The following CX3CR1 variants were observed in gnomAD, a reference collection of about 807,000 sequenced individuals.
The protein encoded by CX3CR1 is CX3C chemokine receptor 1.
For synonymous variants in CX3CR1, 168 were observed against 178.5 expected (o/e 0.94, Z 0.47); for missense variants, 363 against 432.4 (o/e 0.84, Z 1.42).
At chr3:39,279,580 A>C (rs2125556838) in intron 1 of CX3CR1, among the ~76,000 whole-genome samples, 1 of 152,320 alleles carries the variant, frequency 6.6e-6, no homozygotes, top group Non-Finnish European at 1.5e-5. Context: ...GCATCTCTAA[A>C]AGTTAAGGAC....
upstream of CX3CR1, among the ~76,000 whole-genome samples, chr3:39,284,832 G>A (rs919218949): frequency 2.6e-5 from 4 of 152,186 alleles, no homozygotes; most frequent in Non-Finnish European, 5.9e-5. Context: ...AACAGCAAGA[G>A]GGGAGCCAAA....
chr3:39,272,623 G>A (rs1261221400), intron 1 of CX3CR1, among the ~76,000 whole-genome samples: 1 of 152,094 alleles, frequency 6.6e-6, no homozygotes, highest in Non-Finnish European at 1.5e-5. Context: ...TCTAAATCCA[G>A]TGTATCTTCT....
chr3:39,274,851 T>C (rs925661579), intron 1 of CX3CR1, among the ~76,000 whole-genome samples: 2 of 152,086 alleles, frequency 1.3e-5, no homozygotes, highest in Admixed American at 6.5e-5. Flanking sequence ...TCTCAGAGCA[T>C]TTACTTTAGA....
chr3:39,280,388 C>A (rs2040882030), upstream of CX3CR1: 4 of 985,496 alleles, frequency 4.1e-6, no homozygotes, highest in African/African-American at 7.0e-5. Flanking sequence ...AGAGGGAGCC[C>A]AGAGTACTCA....
Position 39,265,934 on chromosome 3 carries a change from A to G in CX3CR1, c.576T>C (p.Asn192=), listed in dbSNP as rs376411124. ...GGAAGCCAAGAAAATTTGTTTCCACATTGCGGAGCACGGGCCAGATTTCCT... is the reference window on the plus strand; with the variant it reads ...GGAAGCCAAGAAAATTTGTTTCCACGTTGCGGAGCACGGGCCAGATTTCCT... The part of the protein sequence containing the change: ...VLQEIWPVLR[N]VETNFLGFLL... The change falls in exon 2 of 2, where the codon AAT becomes AAC. Residue 192 remains asparagine (N), a synonymous_variant. Coordinates refer to ENST00000399220, the MANE Select transcript of CX3CR1 (RefSeq NM_001337.4). The G allele has an allele frequency of 1.7e-4, 272 of 1,614,090 alleles. No individual in the cohort carries two copies. The highest frequency in any genetic ancestry group is 1.6e-4 in the Middle Eastern group (1 of 6,084).
chr3:39,267,973 C>T (rs190102212), intron 1 of CX3CR1, among the ~76,000 whole-genome samples: 14 of 152,342 alleles, frequency 9.2e-5, no homozygotes, highest in Admixed American at 4.6e-4. Flanking sequence ...CCCTCAGAAA[C>T]CCTCAAAACA....
chr3:39,266,188 A>C lies in CX3CR1; in HGVS notation c.322T>G (p.Phe108Val), dbSNP rs750187561. ...HNAMCKFTTA[F>V]FFIGFFGSIF... is the part of the protein sequence containing the mutation. The stretch of plus-strand genomic sequence containing the variant: ...CTTCCAAAAAAGCCGATGAAGAAGA[A>C]GGCGGTAGTGAATTTGCACATGGCA... The change falls in exon 2 of 2, where the codon TTC becomes GTC. Residue 108 changes from phenylalanine to valine, a missense_variant. By Grantham distance (50) the Phe-to-Val change is conservative. Transcript: ENST00000399220. 1.2e-6 allele frequency: 2 copies of C among 1,614,118 alleles called. No homozygotes were observed. Among genetic ancestry groups the C allele is most frequent in the Admixed American group, 1.7e-5 (1 of 60,012 alleles).
At chr3:39,281,983 G>C (rs1229941682), upstream of CX3CR1, among the ~76,000 whole-genome samples, 1 of 152,218 alleles carries the variant, frequency 6.6e-6, no homozygotes, top group Non-Finnish European at 1.5e-5. Flanking sequence ...CCATGGCTTG[G>C]ATAGATACCT....
intron 1 of CX3CR1, among the ~76,000 whole-genome samples, chr3:39,267,632 G>A (rs943563925): frequency 1.3e-5 from 2 of 152,166 alleles, no homozygotes; most frequent in African/African-American, 4.8e-5. Flanking sequence ...GTGAAGAGAA[G>A]GTGTTGCCAT....
chr3:39,291,495 C>G, the CX3CR1 span, among the ~76,000 whole-genome samples: 1 of 152,180 alleles, frequency 6.6e-6, no homozygotes, highest in Non-Finnish European at 1.5e-5. Flanking sequence ...CACTCAAAAT[C>G]CTCTTTGGAA....
At chr3:39,270,731 G>A (rs762960700) in intron 1 of CX3CR1, among the ~76,000 whole-genome samples, 4 of 152,200 alleles carry the variant, frequency 2.6e-5, no homozygotes, top group Non-Finnish European at 5.9e-5. Flanking sequence ...AAAGGAGACA[G>A]TTTTTATGGT....
chr3:39,266,684 C>T, intron 1 of CX3CR1, 166 bp from the exon 2 acceptor site: 1 of 787,864 alleles, frequency 1.3e-6, no homozygotes, highest in East Asian at 2.4e-5. Context: ...CCACAACAGT[C>T]TTGTGATGAA....
intron 1 of CX3CR1, among the ~76,000 whole-genome samples, chr3:39,272,571 G>A (rs749003643): frequency 6.6e-6 from 1 of 151,970 alleles, no homozygotes; most frequent in African/African-American, 2.4e-5. Flanking sequence ...CTTTTATGTT[G>A]CTTTCTCCCT....
At chr3:39,280,081 T>C (rs1159574503), upstream of CX3CR1, 3 of 978,298 alleles carry the variant, frequency 3.1e-6, no homozygotes, top group African/African-American at 1.7e-5. Flanking sequence ...AGTTAGCCAA[T>C]AGTATCTTGT....
In CX3CR1 at chr3:39,279,953, C is replaced by T. The variant is rs2040877649; in HGVS notation, c.-10+1G>A. On this transcript the variant is annotated splice_donor_variant, in intron 1 of 1. Coordinates refer to ENST00000399220, the MANE Select transcript of CX3CR1 (RefSeq NM_001337.4). LOFTEE classifies it low-confidence loss of function (5UTR_SPLICE). ...GTACCCAACTAGTCCTGTGCACCTA[C>T]CTGGCGTGGACTGCCAAGGGAACCT... is the stretch of plus-strand genomic sequence containing the variant. The T allele has an allele frequency of 6.1e-6, 6 of 985,306 alleles. No individual in the cohort carries two copies. In the South Asian group the frequency reaches 2.3e-4, roughly 39 times the overall value. The allele number at this position is 985,306 out of a possible 1,614,324, so 61.0% of individuals were successfully genotyped here.
rs748219184 is a variant in CX3CR1 at position 39,266,107 on chromosome 3, C to T, written c.403G>A (p.Ala135Thr). 2.1e-5 allele frequency: 34 copies of T among 1,614,008 alleles called. No individual in the cohort carries two copies. Among genetic ancestry groups the T allele is most frequent in the African/African-American group, 1.6e-4 (12 of 74,892 alleles). Residue 135 changes from alanine to threonine, a missense_variant, in exon 2 of 2, where the codon GCC (alanine) becomes ACC (threonine). By Grantham distance (58) the Ala-to-Thr change is moderately conservative. Coordinates refer to ENST00000399220, the MANE Select transcript of CX3CR1 (RefSeq NM_001337.4). ...ACGGTCCGGTTGTTCATGGAGTTGG[C>T]GGCCAGGACGATGGCCAGGTACCTA... ...IDRYLAIVLA[A>T]NSMNNRTVQH... is the part of the protein sequence containing the mutation.
upstream of CX3CR1, among the ~76,000 whole-genome samples, chr3:39,285,241 G>A (rs1051268387): frequency 1.5e-4 from 23 of 149,696 alleles, no homozygotes; most frequent in Middle Eastern, 3.2e-3. Flanking sequence ...AAATAGCTGG[G>A]CATGGTGGTG....
chr3:39,286,160 C>T (rs964156324), upstream of CX3CR1: 1 of 152,226 alleles, frequency 6.6e-6, no homozygotes, highest in Non-Finnish European at 1.5e-5. Context: ...CTATTGCTTT[C>T]AGGATTTTAC....
At position 39,266,325 on chromosome 3, in the gene CX3CR1, G is replaced by A. The variant is rs1314575618; in HGVS notation, c.185C>T (p.Pro62Leu). 6.2e-7 allele frequency: 1 copy of A among 1,614,156 alleles called. No individual in the cohort carries two copies. The highest frequency in any genetic ancestry group is 1.7e-5 in the Admixed American group (1 of 60,026). The change falls in exon 2 of 2, where the codon CCC becomes CTC. Residue 62 changes from proline to leucine, a missense_variant. Transcript: ENST00000399220. ...VVFALTNSKKPKSVTDIYLLN... is the reference protein window; with the variant it reads ...VVFALTNSKKLKSVTDIYLLN... The stretch of plus-strand genomic sequence containing the variant: ...GAGGTAAATGTCGGTGACACTCTTG[G>A]GCTTCTTGCTGTTGGTGAGGGCAAA...
Sources: allele counts gnomAD v4.1 joint callset (sites outside exome capture counted in the v4.1 genomes callset), GRCh38; gene constraint gnomAD v4.1.1; transcripts MANE v1.5; gene names NCBI Gene and HGNC (gene_info 2026-07-23, HGNC 2026-07-21).